Variants in NPSR1 observed in about 807,000 individuals in gnomAD.
NPSR1 encodes neuropeptide S receptor.
NPSR1 carries 48 observed loss-of-function variants against 46.9 expected under a neutral mutation model. The ratio of observed to expected loss-of-function variants is 1.02; its 90% CI spans 0.81 to 1.30. NPSR1 has a LOEUF of 1.30. Among genes scored for constraint, NPSR1 ranks in the 50% most tolerant of loss-of-function variants. The pLI is 0.00. For synonymous variants in NPSR1, 176 were observed against 168.1 expected, an observed-to-expected ratio of 1.05 and a Z score of -0.36; for missense variants, 450 against 449.5, an observed-to-expected ratio of 1.00 and a Z score of -0.01.
At chr7:34,696,138 A>G (rs564702327) in intron 2 of NPSR1, among the ~76,000 whole-genome samples, 1 of 152,166 alleles carries the variant, frequency 6.6e-6, no homozygotes, top group African/African-American at 2.4e-5. Flanking sequence ...TGCAGCTATA[A>G]AAAAGAATGA....
rs766121315 is a variant in NPSR1 at position 34,658,419 on chromosome 7, G to A, written c.7G>A (p.Ala3Thr). 2.5e-6 allele frequency: 4 copies of A among 1,613,840 alleles called. No individual in the cohort carries two copies. The East Asian group carries it at 6.7e-5, about 27-fold the overall frequency. Residue 3 changes from alanine (A) to threonine (T), a missense_variant, in exon 1 of 9, where the codon GCC becomes ACC. By Grantham distance (58) the Ala-to-Thr change is moderately conservative. Transcript: ENST00000360581. Reference sequence around the variant, plus strand: ...GCTCAACCCCGCCTGAGCCATGCCAGCCAACTTCACAGAGGGCAGCTTCGA... The same window carrying A: ...GCTCAACCCCGCCTGAGCCATGCCAACCAACTTCACAGAGGGCAGCTTCGA... The part of the protein sequence containing the change: MP[A>T]NFTEGSFDSS...
chr7:34,729,090 AAC>A (rs1222964608), intron 2 of NPSR1, among the ~76,000 whole-genome samples: 2 of 152,144 alleles, frequency 1.3e-5, no homozygotes, highest in Admixed American at 6.5e-5. Flanking sequence ...GCTCTGAACA[AAC>A]CCCTTCTGAG....
chr7:34,848,354 C>A, intron 7 of NPSR1, 129 bp from the exon 8 acceptor site: 1 of 752,134 alleles, frequency 1.3e-6, no homozygotes, highest in South Asian at 1.7e-5. Flanking sequence ...CAAACAACAT[C>A]AAACTCCAAT....
chr7:34,858,216 G>A (rs1439858652), intron 8 of NPSR1, among the ~76,000 whole-genome samples: 1 of 151,644 alleles, frequency 6.6e-6, no homozygotes, highest in Admixed American at 6.6e-5. Flanking sequence ...TGAATTATGT[G>A]CACCATAATA....
At position 34,663,041 on chromosome 7, in the gene NPSR1, T is replaced by TTC. The variant is rs376420280; in HGVS notation, c.147+4508_147+4509dup. ...CAGGGGCAGTGCTTCTGTAGTGCAT[T>TTC]TCTCTCTCTCTCTCTCTCTCTCTCT... On this transcript the variant is annotated intron_variant, in intron 1 of 8. Transcript: ENST00000360581. Among the ~76,000 whole-genome samples, 441 of 108,298 alleles carry TTC rather than the reference T, an allele frequency of 4.1e-3. 3 individuals are homozygous for TTC. The highest frequency in any genetic ancestry group is 0.012 in the East Asian group (52 of 4,328). The allele number at this position is 108,298 out of a possible 152,430, so 71.0% of individuals were successfully genotyped here. A position where few individuals can be genotyped will look rare whatever the true frequency, so the allele number is the denominator to read the frequency against.
intron 2 of NPSR1, among the ~76,000 whole-genome samples, chr7:34,728,075 GT>G (rs934954426): frequency 8.6e-5 from 13 of 150,894 alleles, no homozygotes; most frequent in East Asian, 3.9e-4. Context: ...TGAGGTGTAA[GT>G]TTTTTTTATT....
intron 1 of NPSR1, among the ~76,000 whole-genome samples, chr7:34,674,345 T>A (rs1792207142): frequency 6.6e-6 from 1 of 152,200 alleles, no homozygotes; most frequent in African/African-American, 2.4e-5. Flanking sequence ...CCTGTTTCAC[T>A]TAAAATCAGG....
chr7:34,723,927 A>G (rs1056354188), intron 2 of NPSR1, among the ~76,000 whole-genome samples: 1 of 152,252 alleles, frequency 6.6e-6, no homozygotes, highest in African/African-American at 2.4e-5. Flanking sequence ...CTTTATAACA[A>G]TCACATGAAG....
intron 8 of NPSR1, among the ~76,000 whole-genome samples, chr7:34,874,751 C>T (rs963081718): frequency 2.0e-5 from 3 of 152,080 alleles, no homozygotes; most frequent in Non-Finnish European, 2.9e-5. Context: ...GGCAAACTCT[C>T]CCTGCATGAG....
intron 2 of NPSR1, among the ~76,000 whole-genome samples, chr7:34,735,641 C>T (rs1318246669): frequency 6.6e-6 from 1 of 152,156 alleles, no homozygotes; most frequent in African/African-American, 2.4e-5. Flanking sequence ...TAGTTAGTTT[C>T]AAAAATCCTA....
intron 3 of NPSR1, among the ~76,000 whole-genome samples, chr7:34,809,719 T>C (rs538108887): frequency 6.6e-6 from 1 of 152,272 alleles, no homozygotes; most frequent in South Asian, 2.1e-4. Context: ...CGCCTCGGCC[T>C]CCCAAAGTGC....
At chr7:34,780,424 A>G (rs966947498) in intron 3 of NPSR1, among the ~76,000 whole-genome samples, 1 of 152,300 alleles carries the variant, frequency 6.6e-6, no homozygotes, top group Middle Eastern at 3.4e-3. Flanking sequence ...TATATAAAAT[A>G]TATCTTTTGA....
At chr7:34,812,714 C>G (rs1789049293) in intron 4 of NPSR1, among the ~76,000 whole-genome samples, 1 of 152,166 alleles carries the variant, frequency 6.6e-6, no homozygotes, top group Non-Finnish European at 1.5e-5. Context: ...ACCCTGAAAG[C>G]AAATACAAAG....
At chr7:34,812,956 G>A (rs918162418) in intron 4 of NPSR1, among the ~76,000 whole-genome samples, 3 of 152,060 alleles carry the variant, frequency 2.0e-5, no homozygotes, top group Admixed American at 6.5e-5. Flanking sequence ...TATAATTAAC[G>A]TCATCAAGGA....
intron 3 of NPSR1, chr7:34,779,748 T>C: frequency 3.1e-6 from 1 of 324,118 alleles, no homozygotes; most frequent in East Asian, 5.0e-5. Context: ...AAATAAATGC[T>C]TTCAATTGCT....
chr7:34,854,589 A>T (rs1177730500), downstream of NPSR1, among the ~76,000 whole-genome samples: 1 of 152,234 alleles, frequency 6.6e-6, no homozygotes, highest in Non-Finnish European at 1.5e-5. Flanking sequence ...GTAATGATAA[A>T]GATTTTAGTT....
chr7:34,754,493 G>T (rs2128725650), intron 2 of NPSR1, among the ~76,000 whole-genome samples: 1 of 152,106 alleles, frequency 6.6e-6, no homozygotes, highest in African/African-American at 2.4e-5. Context: ...CCCAAATCAA[G>T]AAATGTTACC....
chr7:34,701,661 C>G (rs192675054), intron 2 of NPSR1, among the ~76,000 whole-genome samples: 2 of 152,176 alleles, frequency 1.3e-5, no homozygotes, highest in African/African-American at 2.4e-5. Flanking sequence ...CCCCTATATG[C>G]TTAAATCATA....
intron 2 of NPSR1, chr7:34,751,508 G>A: frequency 6.9e-7 from 1 of 1,455,966 alleles, no homozygotes; most frequent in Non-Finnish European, 9.7e-7. Flanking sequence ...GCCCCAACCA[G>A]CCCCAGCTCC....
Sources: gnomAD v4.1 joint callset for allele counts (sites outside exome capture counted in the v4.1 genomes callset) on GRCh38, gnomAD v4.1.1 for gene constraint, MANE v1.5 for transcripts, NCBI Gene and HGNC (gene_info 2026-07-23, HGNC 2026-07-21) for gene names.